ZNF85: variants seen among roughly 807,000 people sequenced by gnomAD.
ZNF85 encodes the protein zinc finger protein 85 (HPF4, HTF1).
A neutral mutation model predicts 53.9 loss-of-function variants in ZNF85; 50 were observed. The observed-to-expected ratio is 0.93, with a 90% confidence interval of 0.74 to 1.17. The LOEUF (loss-of-function observed/expected upper bound fraction) is 1.17, where lower values mean the gene tolerates loss of function less well. Among genes scored for constraint, ZNF85 ranks in the 50% most tolerant of loss-of-function variants. The pLI, the probability that ZNF85 is intolerant of heterozygous loss-of-function variation, is 0.00. For missense variants in ZNF85, 747 were observed against 688.5 expected, an observed-to-expected ratio of 1.08 and a Z score of -0.95; for synonymous variants, 225 against 226.1, an observed-to-expected ratio of 1.00 and a Z score of 0.04.
chr19:20,933,372 G>GT (rs112577042), intron 1 of ZNF85, among the ~76,000 whole-genome samples: 14,318 of 143,318 alleles, frequency 0.1, 681 homozygotes, highest in Middle Eastern at 0.13. Context: ...TTTTTTCTTA[G>GT]TTTTTTTTTT....
intron 2 of ZNF85, among the ~76,000 whole-genome samples, chr19:20,934,619 A>T (rs916907400): frequency 2.0e-5 from 3 of 151,750 alleles, no homozygotes; most frequent in African/African-American, 7.3e-5. Flanking sequence ...AATACAAAAA[A>T]TTAGCTGGGT....
chr19:20,928,329 G>A (rs1972928166), intron 1 of ZNF85: 1 of 152,244 alleles, frequency 6.6e-6, no homozygotes, highest in Non-Finnish European at 1.5e-5. Flanking sequence ...TTTGATACCA[G>A]AAAAAAGATA....
chr19:20,923,537 G>GC, intron 1 of ZNF85, 134 bp downstream of exon 1: 1 of 1,456,052 alleles, frequency 6.9e-7, no homozygotes, highest in Non-Finnish European at 9.4e-7. Flanking sequence ...GCCCAGCTCG[G>GC]CCCCAGTTCC....
intron 1 of ZNF85, among the ~76,000 whole-genome samples, chr19:20,926,584 CA>C (rs34902821): frequency 3.4e-5 from 5 of 148,826 alleles, no homozygotes; most frequent in African/African-American, 7.4e-5. Context: ...ATTGAGCCTA[CA>C]AAAAAAAAAG....
At chr19:20,937,497 G>C in intron 3 of ZNF85, 1 of 357,504 alleles carries the variant, frequency 2.8e-6, no homozygotes, top group Non-Finnish European at 5.5e-6. Context: ...TAAGAGGCTT[G>C]GGTAGCTGTA....
At chr19:20,924,478 T>C (rs568978827) in intron 1 of ZNF85, among the ~76,000 whole-genome samples, 2 of 152,158 alleles carry the variant, frequency 1.3e-5, no homozygotes, top group Non-Finnish European at 1.5e-5. Context: ...CACTGAATCA[T>C]TTTCACAGTC....
intron 1 of ZNF85, 80 bp from the exon 2 acceptor site, chr19:20,933,944 C>A (rs1314817679): frequency 7.3e-7 from 1 of 1,373,894 alleles, no homozygotes; most frequent in Non-Finnish European, 9.6e-7. Flanking sequence ...CTTTTCATAA[C>A]CAGTTGGTAA....
chr19:20,942,512 C>A (rs1394544163), intron 3 of ZNF85, among the ~76,000 whole-genome samples: 1 of 151,980 alleles, frequency 6.6e-6, no homozygotes, highest in African/African-American at 2.4e-5. Context: ...AGTTTATAAT[C>A]AAATTTTAAA....
intron 1 of ZNF85, chr19:20,928,030 C>A (rs576099924): frequency 6.6e-6 from 1 of 151,864 alleles, no homozygotes; most frequent in East Asian, 1.9e-4. Flanking sequence ...CATTTGACTT[C>A]TTCTGGGTTG....
At chr19:20,924,602 A>T (rs1972837806) in intron 1 of ZNF85, among the ~76,000 whole-genome samples, 1 of 152,108 alleles carries the variant, frequency 6.6e-6, no homozygotes, top group South Asian at 2.1e-4. Flanking sequence ...AAAATACTAA[A>T]TTTCCAGTGT....
intron 1 of ZNF85, chr19:20,928,615 G>T (rs1379650205): frequency 1.3e-5 from 2 of 152,304 alleles, no homozygotes; most frequent in East Asian, 3.9e-4. Context: ...TTTCACCACA[G>T]CATTGTGGAT....
rs774079729 is a variant in ZNF85, at chr19:20,949,264, A to T, written c.750A>T (p.Lys250Asn). 5 of 1,612,842 alleles carry T rather than the reference A, an allele frequency of 3.1e-6. No individual in the cohort carries two copies. The Admixed American group carries it at 8.3e-5, about 27-fold the overall frequency. Reference sequence around the variant, plus strand: ...CCTCAAACCTTATTAAACATAAGAAAATTCATACTGGAGAGAAACCCTACA... The same window carrying T: ...CCTCAAACCTTATTAAACATAAGAATATTCATACTGGAGAGAAACCCTACA... Reference protein sequence around the residue: ...NQSSNLIKHKKIHTGEKPYKC... With the variant: ...NQSSNLIKHKNIHTGEKPYKC... Residue 250 changes from lysine to asparagine, a missense_variant, in exon 4 of 4, where the codon AAA (lysine) becomes AAT (asparagine). Coordinates refer to ENST00000328178, the MANE Select transcript of ZNF85 (RefSeq NM_003429.5).
chr19:20,949,715 A>C lies in ZNF85; in HGVS notation c.1201A>C (p.Lys401Gln). The change falls in exon 4 of 4, where the codon AAA (lysine) becomes CAA (glutamine). Residue 401 changes from lysine to glutamine, a missense_variant. Physicochemically the swap from Lys to Gln is moderately conservative, Grantham distance 53. Transcript: ENST00000328178. ...TACTGGAGAGAAACCTTACAAATGT[A>C]AAGAATGTGGTAAAGCTTTTAAACA... ...IHTGEKPYKC[K>Q]ECGKAFKHSS... 6.2e-7 allele frequency: 1 copy of C among 1,612,210 alleles called. No individual in the cohort carries two copies. Among genetic ancestry groups the C allele is most frequent in the Non-Finnish European group, 8.5e-7 (1 of 1,179,130 alleles).
chr19:20,931,593 C>G (rs894017097), intron 1 of ZNF85, among the ~76,000 whole-genome samples: 1 of 150,356 alleles, frequency 6.7e-6, no homozygotes, highest in African/African-American at 2.5e-5. Flanking sequence ...AGCAATGTGG[C>G]CATATTTTCT....
chr19:20,923,285 C>G lies in ZNF85; in HGVS notation c.-116C>G. 6.5e-7 allele frequency: 1 copy of G among 1,539,466 alleles called. No individual in the cohort carries two copies. Reference sequence around the variant, plus strand: ...TCTCGCTGCAGCCTGAGCTCTAGGTCTTGTTTTCCCTGCTTTGTGTTTTCT... The same window carrying G: ...TCTCGCTGCAGCCTGAGCTCTAGGTGTTGTTTTCCCTGCTTTGTGTTTTCT... On this transcript the variant is annotated 5_prime_UTR_variant, in exon 1 of 4. Transcript: ENST00000328178.
At position 20,941,630 on chromosome 19, in the gene ZNF85, G is replaced by A. The variant is rs139537572; in HGVS notation, c.229+6583G>A. ...TGAGAAAAATTTAGTTCAATTATTT[G>A]TTCATTTCTAAATAAAATTATTCAA... On this transcript the variant is annotated intron_variant, in intron 3 of 3. Transcript: ENST00000328178. Among the ~76,000 whole-genome samples the A allele has an allele frequency of 5.0e-3, 735 of 145,752 alleles. 14 individuals carry two copies. The highest frequency in any genetic ancestry group is 0.049 in the East Asian group (243 of 4,970).
chr19:20,949,337 A>G lies in ZNF85; in HGVS notation c.823A>G (p.Thr275Ala). The change falls in exon 4 of 4, where the codon ACC becomes GCC. Residue 275 changes from threonine to alanine, a missense_variant. Physicochemically the swap from Thr to Ala is moderately conservative, Grantham distance 58. Coordinates refer to ENST00000328178, the MANE Select transcript of ZNF85 (RefSeq NM_003429.5). ...KTFNRFSTLTTHKIIHTGEKP... is the reference protein window; with the variant it reads ...KTFNRFSTLTAHKIIHTGEKP... ...TTTTAACCGATTCTCAACTCTTACTACCCATAAGATAATTCATACTGGAGA... is the reference window on the plus strand; with the variant it reads ...TTTTAACCGATTCTCAACTCTTACTGCCCATAAGATAATTCATACTGGAGA... The G allele has an allele frequency of 6.2e-7, 1 of 1,609,088 alleles. No individual in the cohort carries two copies. The highest frequency in any genetic ancestry group is 1.3e-5 in the African/African-American group (1 of 74,852).
intron 3 of ZNF85, chr19:20,944,254 T>A (rs1452312271): frequency 6.6e-6 from 1 of 151,364 alleles, no homozygotes; most frequent in Non-Finnish European, 1.5e-5. Context: ...GTATGCAGTG[T>A]CTCACTATGT....
intron 3 of ZNF85, among the ~76,000 whole-genome samples, chr19:20,940,211 G>C (rs1438800386): frequency 6.6e-6 from 1 of 151,418 alleles, no homozygotes; most frequent in African/African-American, 2.4e-5. Context: ...AACACATAAA[G>C]TTTGTCATCT....
Sources: allele counts gnomAD v4.1 joint callset (sites outside exome capture counted in the v4.1 genomes callset), GRCh38; gene constraint gnomAD v4.1.1; transcripts MANE v1.5; gene names NCBI Gene and HGNC (gene_info 2026-07-23, HGNC 2026-07-21).